Variants in DUS2 observed in about 807,000 individuals in gnomAD.
DUS2 encodes the protein tRNA-dihydrouridine(20) synthase [NAD(P)+]-like.
DUS2 carries 52 observed loss-of-function variants against 71.3 expected under a neutral mutation model. The ratio of observed to expected loss-of-function variants is 0.73; its 90% CI spans 0.58 to 0.92. DUS2 has a LOEUF of 0.92. Ranked by LOEUF, DUS2 falls within the 40% of genes least tolerant of loss-of-function variation. The probability of loss-of-function intolerance (pLI) is 0.00; values close to 1 mark genes in which losing one functional copy is unlikely to be tolerated. For synonymous variants in DUS2, 204 were observed against 227.8 expected, an observed-to-expected ratio of 0.90 and a Z score of 0.94; for missense variants, 558 against 622.6, an observed-to-expected ratio of 0.90 and a Z score of 1.10.
At chr16:68,043,403 T>A (rs1226630909) in intron 3 of DUS2, among the ~76,000 whole-genome samples, 1 of 150,804 alleles carries the variant, frequency 6.6e-6, no homozygotes, top group African/African-American at 2.4e-5. Flanking sequence ...CAAGACTCCG[T>A]CTCAGGGAGA....
At chr16:68,062,899 C>T (rs1050545162) in intron 8 of DUS2, among the ~76,000 whole-genome samples, 2 of 152,058 alleles carry the variant, frequency 1.3e-5, no homozygotes, top group Non-Finnish European at 2.9e-5. Flanking sequence ...TGGAAATCTC[C>T]AGTTAAGACA....
At chr16:68,046,952 G>C (rs184628613) in intron 3 of DUS2, among the ~76,000 whole-genome samples, 1 of 150,612 alleles carries the variant, frequency 6.6e-6, no homozygotes, top group Admixed American at 6.6e-5. Flanking sequence ...GGGTTTCACT[G>C]TGTTAGCCAG....
intron 3 of DUS2, among the ~76,000 whole-genome samples, chr16:68,040,463 G>T (rs2033606422): frequency 6.6e-6 from 1 of 152,182 alleles, no homozygotes; most frequent in African/African-American, 2.4e-5. Flanking sequence ...TCCTAATTGG[G>T]CAAGACTTGG....
At chr16:68,024,165 C>A (rs1211984474) in intron 1 of DUS2, among the ~76,000 whole-genome samples, 1 of 149,008 alleles carries the variant, frequency 6.7e-6, no homozygotes, top group Non-Finnish European at 1.5e-5. Context: ...GGCGCAATCT[C>A]GGCTCACTGC....
chr16:68,068,752 CT>C (rs1160464857), intron 10 of DUS2, among the ~76,000 whole-genome samples: 1,598 of 112,146 alleles, frequency 0.014, 31 homozygotes, highest in African/African-American at 0.046. Context: ...CCATGCCTGG[CT>C]TTTTTTTTTT....
In DUS2 at chr16:68,078,995, C is replaced by T. The variant is rs1409343326; in HGVS notation, c.*9C>T. On this transcript the variant is annotated 3_prime_UTR_variant, in exon 17 of 17. Coordinates refer to ENST00000565263, the MANE Select transcript of DUS2 (RefSeq NM_017803.5). Reference sequence around the variant, plus strand: ...CCCTGGAAGGCTGGTGACTACTCTTCCTGCCTTAGTCACCCCTCCATGGGC... The same window carrying T: ...CCCTGGAAGGCTGGTGACTACTCTTTCTGCCTTAGTCACCCCTCCATGGGC... 4 of 1,544,514 alleles carry T rather than the reference C, an allele frequency of 2.6e-6. No homozygotes were observed. The highest frequency in any genetic ancestry group is 3.5e-6 in the Non-Finnish European group (4 of 1,142,528).
intron 1 of DUS2, chr16:68,023,643 T>C: frequency 5.5e-6 from 1 of 181,578 alleles, no homozygotes; most frequent in Non-Finnish European, 1.3e-5. Flanking sequence ...TATTGAGAGT[T>C]TGAATGAATG....
chr16:68,024,185 C>A (rs1048429578), intron 1 of DUS2, among the ~76,000 whole-genome samples: 10 of 151,852 alleles, frequency 6.6e-5, no homozygotes, highest in African/African-American at 2.2e-4. Context: ...CAACCTCCAC[C>A]TCCTGGGTTC....
chr16:68,053,029 C>A (rs1290423002), intron 4 of DUS2, among the ~76,000 whole-genome samples: 1 of 151,332 alleles, frequency 6.6e-6, no homozygotes, highest in Non-Finnish European at 1.5e-5. Flanking sequence ...ATGGCGCGAT[C>A]TCGGCTCGCT....
chr16:68,078,457 C>T lies in DUS2; in HGVS notation c.1183C>T (p.Leu395=), dbSNP rs1159099303. 1 of 1,614,176 alleles carries T rather than the reference C, an allele frequency of 6.2e-7. No homozygotes were observed. The highest frequency in any genetic ancestry group is 1.1e-5 in the South Asian group (1 of 91,082). Residue 395 remains leucine, a synonymous_variant, in exon 16 of 17, where the codon CTA becomes TTA. Transcript: ENST00000565263. ...CTCTTTGTATCAGGTTCAACGCCCTCTAGATCGCCTGTTCTCCTCTATTGT... is the reference window on the plus strand; with the variant it reads ...CTCTTTGTATCAGGTTCAACGCCCTTTAGATCGCCTGTTCTCCTCTATTGT... ...QPVYETVQRP[L]DRLFSSIVTV...
chr16:68,069,327 G>T (rs1224195859), intron 10 of DUS2, among the ~76,000 whole-genome samples: 2 of 152,196 alleles, frequency 1.3e-5, no homozygotes, highest in East Asian at 3.8e-4. Context: ...GGTGGAGGTT[G>T]CAGTGAGCCG....
At chr16:68,076,816 C>A (rs971896134) in intron 15 of DUS2, 97 bp downstream of exon 15, 2 of 1,050,286 alleles carry the variant, frequency 1.9e-6, no homozygotes, top group Non-Finnish European at 2.8e-6. Flanking sequence ...CTGGCCTTGA[C>A]CTCTGTAGGC....
intron 2 of DUS2, among the ~76,000 whole-genome samples, chr16:68,037,287 G>A (rs1030307780): frequency 6.6e-6 from 1 of 151,760 alleles, no homozygotes; most frequent in Non-Finnish European, 1.5e-5. Context: ...TTTATGTTCA[G>A]GGAAAAGGAA....
At chr16:68,054,158 T>TGATA (rs1406850286) in intron 5 of DUS2, 2 of 211,798 alleles carry the variant, frequency 9.4e-6, no homozygotes, top group Non-Finnish European at 9.5e-6. Context: ...TAACAATGGG[T>TGATA]AACCATGTGA....
chr16:68,027,864 C>T (rs562726700), intron 2 of DUS2, among the ~76,000 whole-genome samples: 1 of 151,548 alleles, frequency 6.6e-6, no homozygotes, highest in Admixed American at 6.6e-5. Flanking sequence ...TGGGCAGGGA[C>T]AGCTTGTTCA....
chr16:68,052,075 T>A (rs944854462), intron 4 of DUS2, among the ~76,000 whole-genome samples: 10 of 152,014 alleles, frequency 6.6e-5, no homozygotes, highest in Non-Finnish European at 7.4e-5. Flanking sequence ...ATTTTTTTTT[T>A]TGTATTTTAG....
At position 68,076,639 on chromosome 16, in the gene DUS2, T is replaced by G; in HGVS notation, c.1090T>G (p.Tyr364Asp). 1 of 1,613,584 alleles carries G rather than the reference T, an allele frequency of 6.2e-7. No individual in the cohort carries two copies. Among genetic ancestry groups the G allele is most frequent in the Non-Finnish European group, 8.5e-7 (1 of 1,179,644 alleles). ...KMAVKFDRRA[Y>D]PAQITPKMCL... ...TTCCCTTCCTTTCCCCAGGAGAGCA[T>G]ACCCAGCCCAGATCACCCCTAAGAT... The change falls in exon 15 of 17, where the codon TAC (tyrosine) becomes GAC (aspartate). Residue 364 changes from tyrosine (Y) to aspartate (D), a missense_variant. Physicochemically the swap from Tyr to Asp is radical, Grantham distance 160. Coordinates refer to ENST00000565263, the MANE Select transcript of DUS2 (RefSeq NM_017803.5).
intron 15 of DUS2, among the ~76,000 whole-genome samples, chr16:68,077,022 C>T (rs1005530901): frequency 1.3e-5 from 2 of 151,806 alleles, no homozygotes; most frequent in Non-Finnish European, 2.9e-5. Flanking sequence ...TTTGGGAGGC[C>T]GAGGCAGGTG....
At chr16:68,036,922 A>G (rs1461228481) in intron 2 of DUS2, among the ~76,000 whole-genome samples, 2 of 151,338 alleles carry the variant, frequency 1.3e-5, no homozygotes, top group Admixed American at 1.3e-4. Flanking sequence ...TTATCTTCTC[A>G]TTAAAGCCCA....
Sources: allele counts gnomAD v4.1 joint callset (sites outside exome capture counted in the v4.1 genomes callset), GRCh38; gene constraint gnomAD v4.1.1; transcripts MANE v1.5; gene names NCBI Gene and HGNC (gene_info 2026-07-23, HGNC 2026-07-21).